Variants in FBXO32 observed in about 807,000 individuals in gnomAD.
The protein encoded by FBXO32 is F-box only protein 32.
FBXO32 carries 15 observed loss-of-function variants against 48.3 expected under a neutral mutation model. That is an observed-to-expected ratio of 0.31 (90% CI 0.21 to 0.48). The LOEUF is 0.48. Ranked by LOEUF, FBXO32 falls within the 20% of genes least tolerant of loss-of-function variation. The probability of loss-of-function intolerance (pLI) is 0.99; values close to 1 mark genes in which losing one functional copy is unlikely to be tolerated. For missense variants in FBXO32, 309 were observed against 432.7 expected (o/e 0.71, Z 2.54); for synonymous variants, 154 against 165.9 (o/e 0.93, Z 0.55).
At chr8:123,522,566 G>A (rs1283957867) in intron 4 of FBXO32, among the ~76,000 whole-genome samples, 5 of 152,058 alleles carry the variant, frequency 3.3e-5, no homozygotes, top group East Asian at 1.9e-4. Context: ...ATCTAACAGC[G>A]ATGTCTGGCT....
In FBXO32 at chr8:123,540,867, G is replaced by T; in HGVS notation, c.116+32C>A. The T allele has an allele frequency of 1.9e-6, 3 of 1,573,534 alleles. No individual in the cohort carries two copies. The highest frequency in any genetic ancestry group is 2.3e-5 in the East Asian group (1 of 43,770). Reference sequence around the variant, plus strand: ...CCAGACCAGCCCGGGTCAGTTTCGCGGGGGCTGGAAGTTGGTAGCGGGTCC... The same window carrying T: ...CCAGACCAGCCCGGGTCAGTTTCGCTGGGGCTGGAAGTTGGTAGCGGGTCC... On this transcript the variant is annotated intron_variant, in intron 1 of 8. Coordinates refer to ENST00000517956, the MANE Select transcript of FBXO32 (RefSeq NM_058229.4). The surrounding 1 kb of genome is among the most constrained non-coding windows in gnomAD (Gnocchi z 6.4).
chr8:123,507,439 GT>G (rs1253246473), intron 6 of FBXO32, among the ~76,000 whole-genome samples: 289 of 10,064 alleles, frequency 0.029, no homozygotes, highest in Non-Finnish European at 0.036. Context: ...CTGTGCTAGG[GT>G]GTGTGTGTGT....
intron 3 of FBXO32, chr8:123,532,202 C>A: frequency 2.2e-6 from 3 of 1,352,400 alleles, no homozygotes; most frequent in Non-Finnish European, 1.9e-6. Context: ...TCAGTCAGCC[C>A]CTCACATGTC....
intron 2 of FBXO32, among the ~76,000 whole-genome samples, chr8:123,534,171 T>A (rs1005327883): frequency 6.8e-6 from 1 of 147,392 alleles, no homozygotes; most frequent in African/African-American, 2.5e-5. Context: ...TTATTTTAAA[T>A]GCCAAACCTG....
chr8:123,512,471 C>A (rs189506287), intron 6 of FBXO32, among the ~76,000 whole-genome samples: 1 of 151,748 alleles, frequency 6.6e-6, no homozygotes, highest in African/African-American at 2.4e-5. Context: ...CTACATGAGC[C>A]GCCTGAGTGT....
At chr8:123,534,893 GA>G in intron 1 of FBXO32, 79 bp from the exon 2 acceptor site, 1 of 816,698 alleles carries the variant, frequency 1.2e-6, no homozygotes, top group Non-Finnish European at 2.0e-6. Context: ...ATAACTCACT[GA>G]GTTATAAGAC....
intron 1 of FBXO32, among the ~76,000 whole-genome samples, chr8:123,535,439 T>C (rs1310430766): frequency 6.6e-6 from 1 of 152,236 alleles, no homozygotes; most frequent in African/African-American, 2.4e-5. Flanking sequence ...TTAGGTTTTA[T>C]GTAGTGCCTT....
chr8:123,524,656 C>G lies in FBXO32; in HGVS notation c.372+7242G>C, dbSNP rs373303034. 2.6e-5 allele frequency among the ~76,000 whole-genome samples: 4 copies of G among 152,206 alleles called. No individual in the cohort carries two copies. In the East Asian group the frequency reaches 7.7e-4, roughly 29 times the overall value. The stretch of plus-strand genomic sequence containing the variant: ...GCCTCAGCCTCCAGAGTAGCTGGGA[C>G]TATAGCAGTGTGCCATCAACCCAGC... On this transcript the variant is annotated intron_variant, in intron 4 of 8. Coordinates refer to ENST00000517956, the MANE Select transcript of FBXO32 (RefSeq NM_058229.4).
At chr8:123,527,947 C>A (rs182837641) in intron 4 of FBXO32, among the ~76,000 whole-genome samples, 2 of 152,298 alleles carry the variant, frequency 1.3e-5, no homozygotes, top group East Asian at 1.9e-4. Flanking sequence ...ACAGTACACG[C>A]CCCAGAAGTC....
intron 4 of FBXO32, among the ~76,000 whole-genome samples, chr8:123,527,909 C>G (rs1251239632): frequency 6.6e-6 from 1 of 152,226 alleles, no homozygotes; most frequent in Non-Finnish European, 1.5e-5. Context: ...GGGCTGTCCT[C>G]TTTCCATCAC....
rs1816769505 is a variant in FBXO32 at position 123,513,169 on chromosome 8, C to T, written c.651+29G>A. The T allele has an allele frequency of 6.2e-7, 1 of 1,612,786 alleles. No homozygotes were observed. The highest frequency in any genetic ancestry group is 8.5e-7 in the Non-Finnish European group (1 of 1,179,034). Reference sequence around the variant, plus strand: ...AGTATCCCTGTGGAGGGACCCACTGCCGGGAGGAGGCTGGGCCTGCCCGCT... The same window carrying T: ...AGTATCCCTGTGGAGGGACCCACTGTCGGGAGGAGGCTGGGCCTGCCCGCT... On this transcript the variant is annotated intron_variant, in intron 6 of 8. Coordinates refer to ENST00000517956, the MANE Select transcript of FBXO32 (RefSeq NM_058229.4). This position sits in a 1 kb window ranked among gnomAD's most constrained non-coding sequence, Gnocchi z 4.3.
At chr8:123,537,554 T>A (rs1020190344) in intron 1 of FBXO32, among the ~76,000 whole-genome samples, 1 of 152,116 alleles carries the variant, frequency 6.6e-6, no homozygotes, top group African/African-American at 2.4e-5. Context: ...AAAAACCATT[T>A]AAGAAAGCTG....
At position 123,533,095 on chromosome 8, in the gene FBXO32, T is replaced by C. The variant is rs59153870; in HGVS notation, c.279+96A>G. The C allele has an allele frequency of 5.9e-5, 51 of 870,232 alleles. No individual in the cohort carries two copies. The African/African-American group carries it at 6.6e-4, about 11-fold the overall frequency. 53.9% of individuals were successfully genotyped at this position (870,232 alleles called of 1,614,324 possible). On this transcript the variant is annotated intron_variant, in intron 3 of 8. Coordinates refer to ENST00000517956, the MANE Select transcript of FBXO32 (RefSeq NM_058229.4). ...TCTCCCACATCCAAGAAGACTCTCA[T>C]GATCCGAAGTAATTTCCCTCCCTAC...
intron 7 of FBXO32, among the ~76,000 whole-genome samples, chr8:123,505,711 G>C (rs1156304877): frequency 1.3e-5 from 2 of 152,182 alleles, no homozygotes; most frequent in Non-Finnish European, 2.9e-5. Context: ...ACTCCAGCCT[G>C]GGTGACACAG....
chr8:123,519,861 C>T (rs1816915794), intron 4 of FBXO32, among the ~76,000 whole-genome samples: 1 of 152,148 alleles, frequency 6.6e-6, no homozygotes, highest in African/African-American at 2.4e-5. Context: ...GATTTCGGCT[C>T]ATTGCAACCT....
intron 4 of FBXO32, among the ~76,000 whole-genome samples, chr8:123,515,891 C>T (rs753441482): frequency 2.6e-5 from 4 of 152,078 alleles, no homozygotes; most frequent in Admixed American, 2.0e-4. Context: ...ACTCAGGAGG[C>T]TGAGGCAGGA....
chr8:123,533,247 A>C lies in FBXO32; in HGVS notation c.230-7T>G. The C allele has an allele frequency of 6.2e-7, 1 of 1,607,820 alleles. No individual in the cohort carries two copies. Among genetic ancestry groups the C allele is most frequent in the South Asian group, 1.1e-5 (1 of 90,934 alleles). ...CATTTTTCTTGGTGGAAATCTACAG[A>C]GACAAAAAGAATACACAGCTTTAAC... On this transcript the variant is annotated splice_polypyrimidine_tract_variant and splice_region_variant and intron_variant, in intron 2 of 8. Transcript: ENST00000517956.
rs887948176 is a variant in FBXO32 at position 123,525,155 on chromosome 8, T to TAA, written c.372+6741_372+6742dup. On this transcript the variant is annotated intron_variant, in intron 4 of 8. Coordinates refer to ENST00000517956, the MANE Select transcript of FBXO32 (RefSeq NM_058229.4). The surrounding 1 kb of genome is among the most constrained non-coding windows in gnomAD (Gnocchi z 4.3). ...TGCCAAACCACCAGTCAACTTAAAC[T>TAA]AAAACATGTTTTTGGAAAATGCTTT... Among the ~76,000 whole-genome samples the TAA allele has an allele frequency of 2.6e-5, 4 of 152,204 alleles. No homozygotes were observed. The highest frequency in any genetic ancestry group is 9.7e-5 in the African/African-American group (4 of 41,444).
chr8:123,503,715 T>C (rs922311386), intron 8 of FBXO32, among the ~76,000 whole-genome samples: 9 of 152,116 alleles, frequency 5.9e-5, no homozygotes, highest in African/African-American at 2.2e-4. Context: ...TGGGTACAAA[T>C]ACACGGTATG....
Sources: allele counts gnomAD v4.1 joint callset (sites outside exome capture counted in the v4.1 genomes callset), GRCh38; gene constraint gnomAD v4.1.1; non-coding constraint Gnocchi (gnomAD v3.1); transcripts MANE v1.5; gene names NCBI Gene and HGNC (gene_info 2026-07-23, HGNC 2026-07-21).